ZNF618: variants seen among roughly 807,000 people sequenced by gnomAD.
ZNF618 encodes zinc finger protein 618.
A neutral mutation model predicts 103.0 loss-of-function variants in ZNF618; 34 were observed. That is an observed-to-expected ratio of 0.33 (90% confidence interval 0.25 to 0.44). ZNF618 has a LOEUF of 0.44. ZNF618 is among the 20% of genes least tolerant of loss of function. The probability of loss-of-function intolerance (pLI) is 1.00; values close to 1 mark genes in which losing one functional copy is unlikely to be tolerated. For synonymous variants in ZNF618, 551 were observed against 542.2 expected (o/e 1.02, Z -0.23); for missense variants, 1,059 against 1,295.4 (o/e 0.82, Z 2.80).
At chr9:113,969,304 TC>T in intron 2 of ZNF618, 144 bp downstream of exon 2, 1 of 996,856 alleles carries the variant, frequency 1.0e-6, no homozygotes, top group Non-Finnish European at 1.6e-6. Context: ...TATCCAGACT[TC>T]CCCAAAGAAT....
At chr9:114,008,590 G>A in intron 9 of ZNF618, 36 bp downstream of exon 9, 1 of 1,610,576 alleles carries the variant, frequency 6.2e-7, no homozygotes. Context: ...AGGGCTGGGT[G>A]GGGGCTGGCC....
At chr9:113,969,830 C>G (rs1402850967) in intron 2 of ZNF618, among the ~76,000 whole-genome samples, 4 of 152,118 alleles carry the variant, frequency 2.6e-5, no homozygotes, top group African/African-American at 7.2e-5. Flanking sequence ...GCTGGAACGG[C>G]CACATGACCT....
intron 1 of ZNF618, among the ~76,000 whole-genome samples, chr9:113,951,431 G>A (rs12378456): frequency 0.049 from 669 of 13,772 alleles, 89 homozygotes; most frequent in Middle Eastern, 0.083. Context: ...ATGTGTGTGT[G>A]TATATATATA....
At chr9:113,908,784 A>G (rs1405080694) in intron 1 of ZNF618, among the ~76,000 whole-genome samples, 2 of 151,872 alleles carry the variant, frequency 1.3e-5, no homozygotes, top group Non-Finnish European at 2.9e-5. Flanking sequence ...AAGATACCAT[A>G]ATAAGGATGG....
intron 3 of ZNF618, among the ~76,000 whole-genome samples, chr9:113,995,740 G>A (rs1840524823): frequency 6.6e-6 from 1 of 152,018 alleles, no homozygotes; most frequent in Admixed American, 6.5e-5. Context: ...GAAGTCACCC[G>A]ATTCAAAAAA....
chr9:113,974,128 A>G (rs1838262759), intron 2 of ZNF618, among the ~76,000 whole-genome samples: 1 of 152,248 alleles, frequency 6.6e-6, no homozygotes, highest in South Asian at 2.1e-4. Context: ...TAATAAATAC[A>G]TAAAATATAT....
chr9:114,046,480 G>C (rs1034267485), intron 13 of ZNF618, among the ~76,000 whole-genome samples: 3 of 152,188 alleles, frequency 2.0e-5, no homozygotes, highest in African/African-American at 7.2e-5. Context: ...ATCTAGGTTT[G>C]TGTAAGTACA....
chr9:113,923,709 CTTTGT>C (rs1487190483), intron 1 of ZNF618, among the ~76,000 whole-genome samples: 1 of 152,046 alleles, frequency 6.6e-6, no homozygotes, highest in Non-Finnish European at 1.5e-5. Flanking sequence ...ATTTATCCAC[CTTTGT>C]TCAGAAGAGA....
intron 1 of ZNF618, among the ~76,000 whole-genome samples, chr9:113,958,618 T>C (rs760851454): frequency 3.9e-5 from 6 of 152,146 alleles, no homozygotes; most frequent in Non-Finnish European, 7.4e-5. Flanking sequence ...CACTGAGAGA[T>C]CATGATGCAT....
At chr9:113,949,125 C>T (rs1382299339) in intron 1 of ZNF618, among the ~76,000 whole-genome samples, 2 of 152,172 alleles carry the variant, frequency 1.3e-5, no homozygotes, top group Admixed American at 1.3e-4. Flanking sequence ...GGCTGGTGCA[C>T]CATGGGATGG....
In ZNF618 at chr9:113,986,860, G is replaced by T. The variant is rs899963253; in HGVS notation, c.78-1461G>T. On this transcript the variant is annotated intron_variant, in intron 2 of 14. Coordinates refer to ENST00000374126, the MANE Select transcript of ZNF618 (RefSeq NM_001318042.2). Reference sequence around the variant, plus strand: ...ATGAAAGCTGAAGCTGGGAAGGACAGCAGATGTGATTAAACCCATGCTCCT... The same window carrying T: ...ATGAAAGCTGAAGCTGGGAAGGACATCAGATGTGATTAAACCCATGCTCCT... Among the ~76,000 whole-genome samples, 11 of 152,192 alleles carry T rather than the reference G, an allele frequency of 7.2e-5. No homozygotes were observed. The South Asian group carries it at 8.3e-4, about 11-fold the overall frequency.
At chr9:113,992,632 G>A (rs1388705618) in intron 3 of ZNF618, among the ~76,000 whole-genome samples, 1 of 152,166 alleles carries the variant, frequency 6.6e-6, no homozygotes, top group Non-Finnish European at 1.5e-5. Context: ...GACGGGCTCT[G>A]TTGCTGAGTA....
rs767583238 is a variant in ZNF618 at position 114,049,408 on chromosome 9, G to A, written c.2106G>A (p.Leu702=). Residue 702 remains leucine (L), a synonymous_variant, in exon 15 of 15, where the codon TTG becomes TTA. Coordinates refer to ENST00000374126, the MANE Select transcript of ZNF618 (RefSeq NM_001318042.2). ...PCWNSVTDSL[L]LVHERYEQIC... Reference sequence around the variant, plus strand: ...GGAACTCGGTGACGGACTCACTGTTGCTGGTGCATGAGCGCTATGAGCAGA... The same window carrying A: ...GGAACTCGGTGACGGACTCACTGTTACTGGTGCATGAGCGCTATGAGCAGA... 3 of 1,603,604 alleles carry A rather than the reference G, an allele frequency of 1.9e-6. No homozygotes were observed. In the South Asian group the frequency reaches 3.4e-5, roughly 18 times the overall value.
chr9:113,887,346 A>G (rs945335571), intron 1 of ZNF618, among the ~76,000 whole-genome samples: 3 of 152,244 alleles, frequency 2.0e-5, no homozygotes, highest in Non-Finnish European at 2.9e-5. Flanking sequence ...TCCCTCCCCT[A>G]AACATTAGTT....
intron 2 of ZNF618, among the ~76,000 whole-genome samples, chr9:113,974,836 G>C (rs1418274255): frequency 6.6e-6 from 1 of 152,160 alleles, no homozygotes; most frequent in African/African-American, 2.4e-5. Flanking sequence ...AGCCCAGACT[G>C]CCTGGATTCA....
intron 2 of ZNF618, among the ~76,000 whole-genome samples, chr9:113,988,058 G>A (rs1839660820): frequency 6.6e-6 from 1 of 152,212 alleles, no homozygotes; most frequent in African/African-American, 2.4e-5. Flanking sequence ...GACCTCTTGA[G>A]ACCTCAGCTT....
chr9:113,962,677 ACT>A (rs1436021915), intron 1 of ZNF618, among the ~76,000 whole-genome samples: 1 of 151,718 alleles, frequency 6.6e-6, no homozygotes, highest in African/African-American at 2.4e-5. Context: ...CACATGGCCA[ACT>A]CTCTCACCCT....
At chr9:113,984,542 C>T (rs2133205713) in intron 2 of ZNF618, among the ~76,000 whole-genome samples, 1 of 152,342 alleles carries the variant, frequency 6.6e-6, no homozygotes, top group Admixed American at 6.5e-5. Flanking sequence ...CCTCCCTTCC[C>T]CTACCAGGAT....
intron 1 of ZNF618, among the ~76,000 whole-genome samples, chr9:113,879,384 T>G (rs1350937894): frequency 6.7e-6 from 1 of 148,348 alleles, no homozygotes. Context: ...AGAACTGTTT[T>G]TTTTTTTTTT....
Sources: gnomAD v4.1 joint callset for allele counts (sites outside exome capture counted in the v4.1 genomes callset) on GRCh38, gnomAD v4.1.1 for gene constraint, MANE v1.5 for transcripts, NCBI Gene and HGNC (gene_info 2026-07-23, HGNC 2026-07-21) for gene names.